Variants in SYT14 observed in about 807,000 individuals in gnomAD.
SYT14 encodes synaptotagmin 14.
Under a neutral mutation model 74.2 loss-of-function variants are expected in SYT14, and 32 were observed. The ratio of observed to expected loss-of-function variants is 0.43; its 90% CI spans 0.33 to 0.58. The LOEUF (loss-of-function observed/expected upper bound fraction) is 0.58, where lower values mean the gene tolerates loss of function less well. SYT14 is among the 20% of genes least tolerant of loss of function. The pLI is 0.05. For missense variants in SYT14, 791 were observed against 981.8 expected (o/e 0.81, Z 2.60); for synonymous variants, 298 against 337.7 (o/e 0.88, Z 1.29).
chr1:210,109,576 CA>C (rs11392476), intron 7 of SYT14, among the ~76,000 whole-genome samples: 100 of 130,372 alleles, frequency 7.7e-4, no homozygotes, highest in African/African-American at 1.0e-3. Flanking sequence ...GACTCTGTCT[CA>C]AAAAAAAAAA....
rs570615167 is a variant in SYT14, at chr1:209,962,743, T to A, written c.-486+9987T>A. 2.0e-5 allele frequency among the ~76,000 whole-genome samples: 3 copies of A among 152,216 alleles called. No individual in the cohort carries two copies. In the East Asian group the frequency reaches 5.8e-4, roughly 29 times the overall value. ...AAGTTCAAGAGATAAAGGGAAAGAT[T>A]ATATTATGGAGGTCATAGGAGTACA... On this transcript the variant is annotated intron_variant, in intron 2 of 9. Transcript: ENST00000637265.
At chr1:210,003,847 TA>T (rs2079943618) in intron 2 of SYT14, among the ~76,000 whole-genome samples, 1 of 152,194 alleles carries the variant, frequency 6.6e-6, no homozygotes, top group Non-Finnish European at 1.5e-5. Context: ...TTGGTTTTAA[TA>T]TTTTTTCCCA....
At chr1:210,161,272 C>T in exon 10 of SYT14, 1 of 647,820 alleles carries the variant, frequency 1.5e-6, no homozygotes, top group Non-Finnish European at 2.8e-6. Flanking sequence ...ACTATCATTG[C>T]TAAACTAACA....
chr1:210,000,286 CAT>C (rs1197578957), intron 2 of SYT14, among the ~76,000 whole-genome samples: 9 of 152,208 alleles, frequency 5.9e-5, no homozygotes, highest in Non-Finnish European at 4.4e-5. Context: ...TCTTTCATCA[CAT>C]GTTTCGGTTT....
intron 7 of SYT14, 123 bp downstream of exon 6, chr1:210,100,584 C>T: frequency 1.0e-6 from 1 of 961,752 alleles, no homozygotes; most frequent in Non-Finnish European, 1.6e-6. Flanking sequence ...AGTAATCATG[C>T]CTTTACAAAA....
chr1:209,944,263 T>G (rs184623397), intron 1 of SYT14, among the ~76,000 whole-genome samples: 16 of 152,298 alleles, frequency 1.1e-4, no homozygotes, highest in Admixed American at 7.8e-4. Context: ...GAGCACATAC[T>G]TAAGGTTTTA....
intron 2 of SYT14, among the ~76,000 whole-genome samples, chr1:209,972,181 T>C (rs1486654060): frequency 1.3e-5 from 2 of 152,116 alleles, no homozygotes; most frequent in African/African-American, 2.4e-5. Context: ...CATAGAGATA[T>C]TCGTAGTAGT....
Position 210,106,829 on chromosome 1 carries a change from G to C in SYT14, c.2034+6368G>C, listed in dbSNP as rs184990892. The stretch of plus-strand genomic sequence containing the variant: ...CCCTCACATTTCAAAACAAAATCCT[G>C]CCTTCCCAACAGTCCCCCAAAGTCT... On this transcript the variant is annotated intron_variant, in intron 7 of 9. Coordinates refer to ENST00000637265, the Ensembl canonical transcript of SYT14. Among the ~76,000 whole-genome samples, 514 of 152,138 alleles carry C rather than the reference G, an allele frequency of 3.4e-3. 5 individuals are homozygous for C. The highest frequency in any genetic ancestry group is 0.012 in the African/African-American group (488 of 41,516).
intron 3 of SYT14, among the ~76,000 whole-genome samples, chr1:210,014,630 C>T (rs185063908): frequency 7.9e-5 from 12 of 152,086 alleles, no homozygotes; most frequent in African/African-American, 1.9e-4. Flanking sequence ...ACTTAAAAGG[C>T]GATAGCCCCA....
chr1:210,016,790 G>A (rs576824299), exon 4 of SYT14: 4 of 1,231,740 alleles, frequency 3.2e-6, no homozygotes, highest in East Asian at 3.2e-5. Flanking sequence ...TTTAAAGAAA[G>A]CTGAAAAATG....
chr1:210,001,536 A>G (rs2102880162), intron 2 of SYT14, among the ~76,000 whole-genome samples: 1 of 152,326 alleles, frequency 6.6e-6, no homozygotes, highest in Admixed American at 6.5e-5. Flanking sequence ...TCTATCCCAA[A>G]TATCAGCTGG....
At chr1:210,059,394 A>G (rs1208842672) in intron 5 of SYT14, among the ~76,000 whole-genome samples, 2 of 148,552 alleles carry the variant, frequency 1.3e-5, no homozygotes, top group Non-Finnish European at 3.0e-5. Context: ...GATAAATTAT[A>G]TATATACCTG....
chr1:209,955,204 C>T (rs1017111786), intron 2 of SYT14, among the ~76,000 whole-genome samples: 23 of 152,152 alleles, frequency 1.5e-4, no homozygotes, highest in Admixed American at 1.2e-3. Flanking sequence ...CAGTTCTTGG[C>T]TGTCTGAGCT....
intron 7 of SYT14, among the ~76,000 whole-genome samples, chr1:210,101,192 T>C (rs1261864269): frequency 1.3e-5 from 2 of 152,152 alleles, no homozygotes; most frequent in Non-Finnish European, 2.9e-5. Context: ...GGGAGATACA[T>C]TATGCCACAT....
chr1:210,100,029 A>G, exon 7 of SYT14: 1 of 1,614,036 alleles, frequency 6.2e-7, no homozygotes, highest in Non-Finnish European at 8.5e-7. Context: ...CAGCTCAAGG[A>G]TCATCTTCGC....
chr1:210,083,718 C>T (rs552094714), intron 5 of SYT14, among the ~76,000 whole-genome samples: 3 of 152,138 alleles, frequency 2.0e-5, no homozygotes, highest in Admixed American at 6.6e-5. Flanking sequence ...CATAGACACA[C>T]GTCACCACCC....
chr1:210,034,013 C>T (rs565281073), intron 5 of SYT14, among the ~76,000 whole-genome samples: 2 of 151,752 alleles, frequency 1.3e-5, no homozygotes, highest in South Asian at 4.2e-4. Flanking sequence ...TTTTAGTACA[C>T]TAATAAAAAG....
exon 8 of SYT14, chr1:210,155,794 A>G: frequency 1.9e-6 from 3 of 1,614,120 alleles, no homozygotes; most frequent in South Asian, 1.1e-5. Flanking sequence ...TCTCTTGAAC[A>G]TGGCTCAGTT....
At chr1:210,143,611 A>C (rs1280129382) in intron 7 of SYT14, among the ~76,000 whole-genome samples, 9 of 152,158 alleles carry the variant, frequency 5.9e-5, no homozygotes, top group Non-Finnish European at 1.3e-4. Flanking sequence ...GTAATACTGT[A>C]AGTTTTGACT....
Sources: allele counts gnomAD v4.1 joint callset (sites outside exome capture counted in the v4.1 genomes callset), GRCh38; gene constraint gnomAD v4.1.1; transcripts MANE v1.5; gene names NCBI Gene and HGNC (gene_info 2026-07-23, HGNC 2026-07-21).